The following AGK variants were observed in gnomAD, a reference collection of about 807,000 sequenced individuals.
The protein encoded by AGK is acylglycerol kinase, mitochondrial.
In AGK, 52 loss-of-function variants were observed where a neutral mutation model predicts 66.4. The observed-to-expected ratio is 0.78, with a 90% confidence interval of 0.63 to 0.99. The LOEUF (loss-of-function observed/expected upper bound fraction) is 0.99, where lower values mean the gene tolerates loss of function less well. Ranked by LOEUF, AGK falls within the 50% of genes least tolerant of loss-of-function variation. AGK has a pLI of 0.00. For missense variants in AGK, 451 were observed against 506.6 expected, an observed-to-expected ratio of 0.89 and a Z score of 1.05; for synonymous variants, 182 against 181.1, an observed-to-expected ratio of 1.00 and a Z score of -0.04.
chr7:141,568,483 T>G (rs1359012327), intron 2 of AGK, among the ~76,000 whole-genome samples: 1 of 152,114 alleles, frequency 6.6e-6, no homozygotes, highest in Non-Finnish European at 1.5e-5. Context: ...TGGCACATGG[T>G]TCTCAGTTTA....
At chr7:141,615,605 C>A in intron 8 of AGK, 40 bp downstream of exon 8, 2 of 1,507,570 alleles carry the variant, frequency 1.3e-6, no homozygotes, top group Non-Finnish European at 9.2e-7. Flanking sequence ...TGTGGGTGAG[C>A]GAGACTGGGA....
chr7:141,625,647 AATAT>A (rs1240618134), intron 9 of AGK, among the ~76,000 whole-genome samples: 2 of 152,146 alleles, frequency 1.3e-5, no homozygotes, highest in African/African-American at 2.4e-5. Flanking sequence ...AGAGTTAATA[AATAT>A]AAATAAATAT....
intron 9 of AGK, among the ~76,000 whole-genome samples, chr7:141,627,304 G>T (rs1396317145): frequency 6.6e-6 from 1 of 151,846 alleles, no homozygotes; most frequent in Admixed American, 6.6e-5. Flanking sequence ...TTCTGGAAAG[G>T]GCAAATTCCT....
At chr7:141,559,491 A>G (rs143340224) in intron 2 of AGK, among the ~76,000 whole-genome samples, 2 of 152,312 alleles carry the variant, frequency 1.3e-5, no homozygotes, top group East Asian at 1.9e-4. Flanking sequence ...TTATGCCAAT[A>G]CCACACTGTT....
chr7:141,631,033 T>A (rs1037165682), intron 9 of AGK, among the ~76,000 whole-genome samples: 5 of 152,132 alleles, frequency 3.3e-5, no homozygotes, highest in Admixed American at 1.3e-4. Flanking sequence ...ATACCTGTCT[T>A]CAGATACATG....
intron 3 of AGK, among the ~76,000 whole-genome samples, chr7:141,594,669 T>C (rs1486666055): frequency 1.3e-5 from 2 of 152,084 alleles, no homozygotes; most frequent in African/African-American, 2.4e-5. Flanking sequence ...TTCTTTCTTT[T>C]TTTAGACGAG....
intron 6 of AGK, among the ~76,000 whole-genome samples, chr7:141,613,189 T>C (rs886290199): frequency 6.6e-6 from 1 of 152,172 alleles, no homozygotes; most frequent in African/African-American, 2.4e-5. Context: ...AGGGAGGAGA[T>C]CTGGGTCAGG....
At chr7:141,651,276 T>A (rs1390713641) in intron 14 of AGK, among the ~76,000 whole-genome samples, 1 of 152,226 alleles carries the variant, frequency 6.6e-6, no homozygotes, top group African/African-American at 2.4e-5. Flanking sequence ...AATCAATTTT[T>A]AAATCAAATT....
intron 3 of AGK, 36 bp from the exon 4 acceptor site, chr7:141,596,526 G>A (rs1476673458): frequency 6.4e-7 from 1 of 1,568,922 alleles, no homozygotes; most frequent in Admixed American, 1.7e-5. Context: ...CAAATAAATG[G>A]ACTTTTACTG....
intron 9 of AGK, among the ~76,000 whole-genome samples, chr7:141,625,263 C>T (rs146359435): frequency 8.2e-4 from 125 of 152,192 alleles, no homozygotes; most frequent in African/African-American, 2.7e-3. Flanking sequence ...GGTCAGGAAC[C>T]GAACCTGCAA....
intron 13 of AGK, among the ~76,000 whole-genome samples, chr7:141,647,098 G>A (rs536307084): frequency 1.6e-5 from 2 of 123,574 alleles, no homozygotes; most frequent in Admixed American, 1.0e-4. Flanking sequence ...ACCTCTCAAT[G>A]TCCTATTGTC....
At chr7:141,594,702 G>T (rs1224719367) in intron 3 of AGK, among the ~76,000 whole-genome samples, 1 of 151,518 alleles carries the variant, frequency 6.6e-6, no homozygotes, top group Non-Finnish European at 1.5e-5. Context: ...GCCCAGGCTG[G>T]AGTGCAATGG....
chr7:141,621,985 A>T (rs1165180589), intron 9 of AGK, among the ~76,000 whole-genome samples, 184 bp downstream of exon 9: 1 of 152,224 alleles, frequency 6.6e-6, no homozygotes, highest in East Asian at 1.9e-4. Flanking sequence ...TGTTATCACT[A>T]ATTAATATGC....
intron 2 of AGK, among the ~76,000 whole-genome samples, chr7:141,585,442 A>G (rs1369824900): frequency 6.6e-6 from 1 of 152,242 alleles, no homozygotes; most frequent in Non-Finnish European, 1.5e-5. Context: ...CAATATCATG[A>G]TTAATTATTC....
chr7:141,611,065 G>A lies in AGK; in HGVS notation c.298-130G>A, dbSNP rs959877937. 3 of 550,752 alleles carry A rather than the reference G, an allele frequency of 5.4e-6. No individual in the cohort carries two copies. In the African/African-American group the frequency reaches 5.8e-5, roughly 11 times the overall value. The allele number at this position is 550,752 out of a possible 1,614,324, so 34.1% of individuals were successfully genotyped here. A position where few individuals can be genotyped will look rare whatever the true frequency, so the allele number is the denominator to read the frequency against. ...TTGCTTTGATAGCTATTTTTTTCAT[G>A]TCTATCAGTTATGTAAAATTTACGA... is the stretch of plus-strand genomic sequence containing the variant. On this transcript the variant is annotated intron_variant, in intron 5 of 15. Transcript: ENST00000649286.
intron 9 of AGK, among the ~76,000 whole-genome samples, chr7:141,624,588 A>G (rs1341677596): frequency 6.6e-6 from 1 of 152,184 alleles, no homozygotes; most frequent in African/African-American, 2.4e-5. Flanking sequence ...CTGCAGATGT[A>G]GTAGAAATAA....
rs777546414 is a variant in AGK, at chr7:141,636,968, A to G, written c.677A>G (p.Tyr226Cys). 4 of 1,612,350 alleles carry G rather than the reference A, an allele frequency of 2.5e-6. No individual in the cohort carries two copies. The African/African-American group carries it at 5.3e-5, about 22-fold the overall frequency. ...TCTTGGTCTTTTCACAGGTACTGGT[A>G]TCTTGGGCCTCTAAAAATCAAAGCA... is the stretch of plus-strand genomic sequence containing the variant. ...DAGVKVSKYW[Y>C]LGPLKIKAAH... Residue 226 changes from tyrosine to cysteine, a missense_variant, in exon 11 of 16, where the codon TAT becomes TGT. Coordinates refer to ENST00000649286, the MANE Select transcript of AGK (RefSeq NM_018238.4).
chr7:141,583,515 T>G (rs1413898950), intron 2 of AGK, among the ~76,000 whole-genome samples: 76 of 110,314 alleles, frequency 6.9e-4, no homozygotes, highest in East Asian at 1.3e-3. Context: ...CCCAGGAAAG[T>G]GGAGAGAAAA....
At chr7:141,608,891 A>T (rs925611241) in intron 5 of AGK, among the ~76,000 whole-genome samples, 1 of 152,228 alleles carries the variant, frequency 6.6e-6, no homozygotes, top group Non-Finnish European at 1.5e-5. Flanking sequence ...AAATGAGGAC[A>T]GTATGAAATC....
Sources: allele counts gnomAD v4.1 joint callset (sites outside exome capture counted in the v4.1 genomes callset), GRCh38; gene constraint gnomAD v4.1.1; transcripts MANE v1.5; gene names NCBI Gene and HGNC (gene_info 2026-07-23, HGNC 2026-07-21).